The following TENM4 variants were observed in gnomAD, a reference collection of about 807,000 sequenced individuals.
TENM4 encodes teneurin-4.
Under a neutral mutation model 243.3 loss-of-function variants are expected in TENM4, and 82 were observed. The ratio of observed to expected loss-of-function variants is 0.34; its 90% CI spans 0.28 to 0.40. TENM4 has a LOEUF of 0.40. Among genes scored for constraint, TENM4 ranks in the 10% least tolerant of loss-of-function variants. The pLI, the probability that TENM4 is intolerant of heterozygous loss-of-function variation, is 1.00. For missense variants in TENM4, 3,138 were observed against 3,673.3 expected (o/e 0.85, Z 3.77); for synonymous variants, 1,412 against 1,456.3 (o/e 0.97, Z 0.69).
intron 4 of TENM4, among the ~76,000 whole-genome samples, chr11:79,083,109 A>G (rs1306634587): frequency 3.3e-5 from 5 of 152,102 alleles, no homozygotes; most frequent in African/African-American, 1.2e-4. Context: ...TGCCGTTGGT[A>G]ATTAAGTCTT....
intron 3 of TENM4, among the ~76,000 whole-genome samples, chr11:79,155,857 G>C (rs1355051834): frequency 6.6e-6 from 1 of 151,466 alleles, no homozygotes; most frequent in African/African-American, 2.4e-5. Context: ...TGTGTATCTG[G>C]GTCATGTCTG....
At chr11:78,832,868 CA>C (rs1858014919) in intron 12 of TENM4, among the ~76,000 whole-genome samples, 1 of 152,228 alleles carries the variant, frequency 6.6e-6, no homozygotes, top group African/African-American at 2.4e-5. Flanking sequence ...CGACATGTTC[CA>C]ATCACCACAG....
At chr11:79,124,777 A>ATATATATGTG (rs1413085773) in intron 4 of TENM4, among the ~76,000 whole-genome samples, 3 of 145,550 alleles carry the variant, frequency 2.1e-5, no homozygotes, top group African/African-American at 7.6e-5. Flanking sequence ...ATATATACAC[A>ATATATATGTG]TATATATGTG....
intron 28 of TENM4, among the ~76,000 whole-genome samples, chr11:78,696,411 T>C (rs1323162372): frequency 1.3e-5 from 2 of 152,180 alleles, no homozygotes; most frequent in African/African-American, 2.4e-5. Flanking sequence ...CTCTCGGGAA[T>C]GTGTTGCCTT....
At chr11:78,736,871 G>A (rs537234077) in intron 20 of TENM4, among the ~76,000 whole-genome samples, 7 of 152,264 alleles carry the variant, frequency 4.6e-5, no homozygotes, top group African/African-American at 1.4e-4. Context: ...TAATTTAGGA[G>A]GATGATGCAG....
chr11:79,289,985 G>C (rs1856326647), intron 2 of TENM4, among the ~76,000 whole-genome samples: 1 of 151,018 alleles, frequency 6.6e-6, no homozygotes, highest in Non-Finnish European at 1.5e-5. Context: ...AAGTAGAGAT[G>C]GGGTTTTGCC....
At chr11:78,899,569 G>C (rs1045715528) in intron 7 of TENM4, among the ~76,000 whole-genome samples, 2 of 123,762 alleles carry the variant, frequency 1.6e-5, no homozygotes, top group South Asian at 3.6e-4. Flanking sequence ...CGGGGGGGGG[G>C]GGAAAAAGAA....
At chr11:79,221,529 C>T (rs1864154868) in intron 2 of TENM4, among the ~76,000 whole-genome samples, 1 of 151,942 alleles carries the variant, frequency 6.6e-6, no homozygotes, top group South Asian at 2.1e-4. Flanking sequence ...AGAGCATCTC[C>T]TTCAGAGAGC....
chr11:79,237,955 G>GA (rs1864511066), intron 2 of TENM4, among the ~76,000 whole-genome samples: 1 of 152,046 alleles, frequency 6.6e-6, no homozygotes, highest in African/African-American at 2.4e-5. Flanking sequence ...ATAGCAAAGG[G>GA]AAAAAAGCCC....
At chr11:79,253,675 G>A (rs1431104287) in intron 2 of TENM4, among the ~76,000 whole-genome samples, 1 of 152,106 alleles carries the variant, frequency 6.6e-6, no homozygotes, top group African/African-American at 2.4e-5. Flanking sequence ...CTGTGGGGTG[G>A]GAATGGGCAG....
intron 3 of TENM4, among the ~76,000 whole-genome samples, chr11:79,176,166 G>C (rs1863154632): frequency 6.6e-6 from 1 of 152,156 alleles, no homozygotes; most frequent in Non-Finnish European, 1.5e-5. Context: ...AATATTTGTT[G>C]GGAATCTCTG....
intron 19 of TENM4, among the ~76,000 whole-genome samples, chr11:78,738,990 T>G: frequency 6.6e-6 from 1 of 152,136 alleles, no homozygotes. Context: ...GAGGCTTTTT[T>G]TTTTCATCCT....
intron 1 of TENM4, among the ~76,000 whole-genome samples, chr11:79,316,405 A>C (rs1222479570): frequency 2.0e-5 from 3 of 152,212 alleles, no homozygotes; most frequent in African/African-American, 7.2e-5. Context: ...ATGAATATCA[A>C]ATGATGGAAG....
At chr11:79,261,316 T>C (rs1855792562) in intron 2 of TENM4, among the ~76,000 whole-genome samples, 1 of 152,210 alleles carries the variant, frequency 6.6e-6, no homozygotes, top group Non-Finnish European at 1.5e-5. Context: ...CTGATAGATC[T>C]GACCCCACAA....
At chr11:78,830,479 G>A (rs1230641159) in intron 12 of TENM4, among the ~76,000 whole-genome samples, 1 of 152,164 alleles carries the variant, frequency 6.6e-6, no homozygotes, top group Non-Finnish European at 1.5e-5. Flanking sequence ...GGAATGTAAC[G>A]GAAAGCAGGA....
chr11:78,799,570 G>A (rs1857237563), intron 15 of TENM4, among the ~76,000 whole-genome samples: 1 of 152,242 alleles, frequency 6.6e-6, no homozygotes, highest in African/African-American at 2.4e-5. Context: ...AATCTGATTT[G>A]GAAAACAACC....
intron 4 of TENM4, among the ~76,000 whole-genome samples, chr11:79,084,627 C>A (rs1434602895): frequency 7.1e-6 from 1 of 141,642 alleles, no homozygotes; most frequent in African/African-American, 2.6e-5. Flanking sequence ...TACATTATTC[C>A]ATTTATATAA....
chr11:78,860,326 G>C (rs986032630), intron 10 of TENM4, among the ~76,000 whole-genome samples: 1 of 152,150 alleles, frequency 6.6e-6, no homozygotes, highest in African/African-American at 2.4e-5. Flanking sequence ...CTACAGATGA[G>C]GAAGGTCAAG....
At chr11:79,011,525 C>T (rs1027362683) in intron 6 of TENM4, among the ~76,000 whole-genome samples, 2 of 152,180 alleles carry the variant, frequency 1.3e-5, no homozygotes, top group Non-Finnish European at 2.9e-5. Context: ...CCCTGAGGTT[C>T]TTGGCTTAGA....
Sources: allele counts gnomAD v4.1 joint callset (sites outside exome capture counted in the v4.1 genomes callset), GRCh38; gene constraint gnomAD v4.1.1; transcripts MANE v1.5; gene names NCBI Gene and HGNC (gene_info 2026-07-23, HGNC 2026-07-21).